Variants in BMAL2 observed in about 807,000 individuals in gnomAD.
BMAL2 encodes basic helix-loop-helix ARNT-like protein 2.
At chr12:27,370,017 C>T in the BMAL2 span, 1 of 734,550 alleles carries the variant, frequency 1.4e-6, no homozygotes, top group Non-Finnish European at 2.4e-6. Context: ...ACCCAGCTTC[C>T]TATCACTGGG....
At chr12:27,390,107 G>A in the BMAL2 span, 4 of 1,613,626 alleles carry the variant, frequency 2.5e-6, no homozygotes, top group Non-Finnish European at 3.4e-6. Flanking sequence ...TGGTTTGCAA[G>A]TTCACAGTAA....
At chr12:27,379,182 A>G in the BMAL2 span, among the ~76,000 whole-genome samples, 2 of 152,236 alleles carry the variant, frequency 1.3e-5, no homozygotes, top group East Asian at 3.8e-4. Context: ...TAGAAGGAAG[A>G]TAAACCCTAT....
At chr12:27,356,151 A>G in the BMAL2 span, among the ~76,000 whole-genome samples, 6 of 152,328 alleles carry the variant, frequency 3.9e-5, no homozygotes, top group South Asian at 1.2e-3. Flanking sequence ...CTTGGATTAC[A>G]GTCTTTATTA....
the BMAL2 span, chr12:27,401,652 G>A: frequency 1.2e-6 from 2 of 1,600,506 alleles, no homozygotes; most frequent in Non-Finnish European, 1.7e-6. Context: ...GGAATATATT[G>A]TATCTGTCAA....
chr12:27,411,792 G>A, the BMAL2 span, among the ~76,000 whole-genome samples: 9 of 152,172 alleles, frequency 5.9e-5, no homozygotes, highest in Non-Finnish European at 8.8e-5. Context: ...CAGTCTTTGG[G>A]TTGCCTTTTT....
chr12:27,420,019 G>GCGCGCGCACACACA, the BMAL2 span, among the ~76,000 whole-genome samples: 206 of 147,566 alleles, frequency 1.4e-3, 1 homozygote, highest in African/African-American at 4.8e-3. Context: ...GTTTGCGCGT[G>GCGCGCGCACACACA]CACACACACA....
the BMAL2 span, among the ~76,000 whole-genome samples, chr12:27,364,649 C>T: frequency 6.6e-6 from 1 of 152,114 alleles, no homozygotes; most frequent in African/African-American, 2.4e-5. Flanking sequence ...CTTCTGTATA[C>T]TGTTCACATA....
At chr12:27,352,451 C>G in the BMAL2 span, among the ~76,000 whole-genome samples, 6 of 152,192 alleles carry the variant, frequency 3.9e-5, no homozygotes, top group African/African-American at 1.4e-4. Context: ...AGACCCTCAG[C>G]CAACATCATA....
At chr12:27,357,020 C>T in the BMAL2 span, among the ~76,000 whole-genome samples, 1 of 152,070 alleles carries the variant, frequency 6.6e-6, no homozygotes, top group Admixed American at 6.6e-5. Flanking sequence ...TTTTCCATTC[C>T]CGAGTTACTT....
chr12:27,367,078 A>G, the BMAL2 span, among the ~76,000 whole-genome samples: 1 of 152,250 alleles, frequency 6.6e-6, no homozygotes, highest in Non-Finnish European at 1.5e-5. Context: ...TAAATTCAGC[A>G]TAGTAAGAGA....
the BMAL2 span, among the ~76,000 whole-genome samples, chr12:27,404,858 G>T: frequency 6.6e-6 from 1 of 152,116 alleles, no homozygotes; most frequent in Non-Finnish European, 1.5e-5. Context: ...CTAGTCAAAG[G>T]GGTGACAGAT....
At chr12:27,394,976 A>G in the BMAL2 span, among the ~76,000 whole-genome samples, 196 of 152,360 alleles carry the variant, frequency 1.3e-3, no homozygotes, top group Admixed American at 2.9e-3. Context: ...CTCCATCTCT[A>G]GGCTTCCAGC....
chr12:27,350,994 C>CCCTTT, the BMAL2 span, among the ~76,000 whole-genome samples: 29 of 94,268 alleles, frequency 3.1e-4, no homozygotes, highest in East Asian at 1.1e-3. Context: ...CCCACCCCCC[C>CCCTTT]TTTTTTTTTT....
At chr12:27,420,639 A>G in the BMAL2 span, 7 of 1,247,508 alleles carry the variant, frequency 5.6e-6, no homozygotes, top group Non-Finnish European at 7.5e-6. Flanking sequence ...TGTATCTTTT[A>G]TTAATGTTCT....
chr12:27,336,113 C>A, the BMAL2 span, among the ~76,000 whole-genome samples: 2 of 152,142 alleles, frequency 1.3e-5, no homozygotes, highest in Non-Finnish European at 2.9e-5. Context: ...AATTGAAGAC[C>A]TCCACTTCTC....
the BMAL2 span, chr12:27,400,585 C>T: frequency 1.2e-6 from 2 of 1,613,720 alleles, no homozygotes; most frequent in Admixed American, 1.7e-5. Context: ...AGAAGCTGGC[C>T]TCCAAATATT....
At chr12:27,419,172 C>T in the BMAL2 span, among the ~76,000 whole-genome samples, 1 of 152,042 alleles carries the variant, frequency 6.6e-6, no homozygotes, top group Admixed American at 6.5e-5. Flanking sequence ...TGTAATCATT[C>T]ATTTTAACAA....
chr12:27,333,089 A>G, the BMAL2 span: 1 of 1,205,578 alleles, frequency 8.3e-7, no homozygotes, highest in Non-Finnish European at 1.0e-6. Flanking sequence ...GCGGAAGAGG[A>G]GGCTGCGGCG....
At chr12:27,370,128 G>A in the BMAL2 span, 1 of 1,612,280 alleles carries the variant, frequency 6.2e-7, no homozygotes, top group Non-Finnish European at 8.5e-7. Context: ...CTTCCTTCCA[G>A]GTCAGGAATC....
Sources: gnomAD v4.1 joint callset for allele counts (sites outside exome capture counted in the v4.1 genomes callset) on GRCh38, gnomAD v4.1.1 for gene constraint, MANE v1.5 for transcripts, NCBI Gene and HGNC (gene_info 2026-07-23, HGNC 2026-07-21) for gene names.